CUL4A: variants seen among roughly 807,000 people sequenced by gnomAD.
CUL4A encodes cullin 4A.
A neutral mutation model predicts 95.5 loss-of-function variants in CUL4A; 16 were observed. That is an observed-to-expected ratio of 0.17 (90% confidence interval 0.11 to 0.25). The LOEUF (loss-of-function observed/expected upper bound fraction) is 0.25. Among genes scored for constraint, CUL4A ranks in the 10% least tolerant of loss-of-function variants. CUL4A has a pLI of 1.00. For synonymous variants in CUL4A, 380 were observed against 353.1 expected, an observed-to-expected ratio of 1.08 and a Z score of -0.85; for missense variants, 610 against 937.0, an observed-to-expected ratio of 0.65 and a Z score of 4.56.
intron 2 of CUL4A, among the ~76,000 whole-genome samples, chr13:113,217,842 C>T (rs1349922270): frequency 6.6e-6 from 1 of 152,002 alleles, no homozygotes; most frequent in Non-Finnish European, 1.5e-5. Context: ...AGTTTTTGTA[C>T]CTAAGATTGG....
chr13:113,236,408 T>A (rs879917092), intron 8 of CUL4A, among the ~76,000 whole-genome samples: 1 of 152,134 alleles, frequency 6.6e-6, no homozygotes, highest in African/African-American at 2.4e-5. Context: ...GGTGTGCAGG[T>A]CACACACAGC....
chr13:113,215,707 G>A (rs1456785249), intron 2 of CUL4A, among the ~76,000 whole-genome samples: 1 of 150,654 alleles, frequency 6.6e-6, no homozygotes, highest in Non-Finnish European at 1.5e-5. Flanking sequence ...TGTGGCTGTG[G>A]AGGTCGCTGT....
Position 113,229,427 on chromosome 13 carries a change from TCTC to T in CUL4A, c.439-16_439-14del, listed in dbSNP as rs761565019. 1.2e-6 allele frequency: 2 copies of T among 1,610,868 alleles called. No individual in the cohort carries two copies. The highest frequency in any genetic ancestry group is 3.3e-5 in the Admixed American group (2 of 59,968). Reference sequence around the variant, plus strand: ...CTAGTAGAATTCATAAGTAAATGGTTCTCCTTTCTGCTGGTCAGATCATGATCA... The same window carrying T: ...CTAGTAGAATTCATAAGTAAATGGTTCTTTCTGCTGGTCAGATCATGATCA... On this transcript the variant is annotated splice_polypyrimidine_tract_variant and intron_variant, in intron 4 of 19. Transcript: ENST00000375440.
chr13:113,221,362 T>C (rs1421066813), intron 3 of CUL4A, among the ~76,000 whole-genome samples: 2 of 152,190 alleles, frequency 1.3e-5, no homozygotes, highest in African/African-American at 4.8e-5. Flanking sequence ...AGTTTACATA[T>C]AGACCAGCAC....
intron 4 of CUL4A, among the ~76,000 whole-genome samples, chr13:113,228,262 G>A (rs1309325075): frequency 3.9e-5 from 6 of 152,174 alleles, no homozygotes; most frequent in African/African-American, 9.7e-5. Flanking sequence ...GTCACAGTCC[G>A]CAGTGGTGAC....
chr13:113,241,151 T>G (rs1243468216), intron 10 of CUL4A, among the ~76,000 whole-genome samples: 1 of 152,138 alleles, frequency 6.6e-6, no homozygotes, highest in Non-Finnish European at 1.5e-5. Context: ...TCACACTAAA[T>G]TGGCCATAAA....
intron 2 of CUL4A, among the ~76,000 whole-genome samples, chr13:113,210,357 G>A (rs1212650466): frequency 6.6e-6 from 1 of 152,202 alleles, no homozygotes; most frequent in Non-Finnish European, 1.5e-5. Flanking sequence ...TAGGAGCCAC[G>A]TGACTCATAT....
At chr13:113,218,603 T>G (rs189576685) in intron 2 of CUL4A, among the ~76,000 whole-genome samples, 1 of 152,296 alleles carries the variant, frequency 6.6e-6, no homozygotes, top group Non-Finnish European at 1.5e-5. Flanking sequence ...AACAGGCCTG[T>G]GAGGATCAAA....
At position 113,266,503 on chromosome 13, in the gene CUL4A, C is replaced by G. The variant is rs985856718; in HGVS notation, c.*2921C>G. On this transcript the variant is annotated 3_prime_UTR_variant, in exon 20 of 20. Transcript: ENST00000375440. ...AGATGTAAAACCTTCCTTTAAAACA[C>G]AAGCGGATTCTAAAGTTAAAACAGA... The G allele has an allele frequency of 6.6e-6, 1 of 152,210 alleles. No homozygotes were observed. Among genetic ancestry groups the G allele is most frequent in the East Asian group, 1.9e-4 (1 of 5,206 alleles). The allele number at this position is 152,210 out of a possible 1,614,324, so 9.4% of individuals were successfully genotyped here.
chr13:113,261,113 TACTC>T (rs1464847204), intron 19 of CUL4A, among the ~76,000 whole-genome samples: 1 of 152,152 alleles, frequency 6.6e-6, no homozygotes, highest in Admixed American at 6.5e-5. Context: ...ATAACTAACT[TACTC>T]AGCGTTTACA....
Position 113,254,717 on chromosome 13 carries a change from C to T in CUL4A, c.1777C>T (p.Leu593Phe). The T allele has an allele frequency of 6.2e-7, 1 of 1,611,908 alleles. No individual in the cohort carries two copies. Among genetic ancestry groups the T allele is most frequent in the Non-Finnish European group, 8.5e-7 (1 of 1,179,262 alleles). Reference sequence around the variant, plus strand: ...GGGGAAGAAGGAATTCCAGGTGTCCCTCTTCCAGACACTGGTGCTCCTCAT... The same window carrying T: ...GGGGAAGAAGGAATTCCAGGTGTCCTTCTTCCAGACACTGGTGCTCCTCAT... The part of the protein sequence containing the change: ...KEGKKEFQVS[L>F]FQTLVLLMFN... Residue 593 changes from leucine to phenylalanine, a missense_variant, in exon 17 of 20, where the codon CTC becomes TTC. Physicochemically the swap from Leu to Phe is conservative, Grantham distance 22 (BLOSUM62 0). Coordinates refer to ENST00000375440, the MANE Select transcript of CUL4A (RefSeq NM_001008895.4).
chr13:113,209,123 A>T (rs1265463067), upstream of CUL4A, among the ~76,000 whole-genome samples: 4 of 149,646 alleles, frequency 2.7e-5, no homozygotes, highest in African/African-American at 9.9e-5. Context: ...TGCAGGAGTT[A>T]GGGCACGTCC....
chr13:113,216,468 A>G (rs1167614013), intron 2 of CUL4A, among the ~76,000 whole-genome samples: 1 of 152,254 alleles, frequency 6.6e-6, no homozygotes, highest in Non-Finnish European at 1.5e-5. Flanking sequence ...CTGTAGATAT[A>G]CACCAAATTT....
intron 2 of CUL4A, among the ~76,000 whole-genome samples, chr13:113,214,613 G>GA (rs2040576700): frequency 6.6e-6 from 1 of 152,078 alleles, no homozygotes; most frequent in Admixed American, 6.6e-5. Context: ...TTGGCCTCCC[G>GA]AAGTGCTGGG....
chr13:113,252,202 A>G (rs538915085), intron 15 of CUL4A, among the ~76,000 whole-genome samples: 1 of 152,238 alleles, frequency 6.6e-6, no homozygotes, highest in Non-Finnish European at 1.5e-5. Context: ...GGAACTTGAA[A>G]ATGCAGCAAC....
At chr13:113,224,603 C>A (rs902547913) in intron 3 of CUL4A, among the ~76,000 whole-genome samples, 2 of 152,254 alleles carry the variant, frequency 1.3e-5, no homozygotes, top group Admixed American at 1.3e-4. Context: ...CCTTTATGAT[C>A]CGCACTGGCG....
At chr13:113,246,633 AATG>A (rs2041865484) in intron 15 of CUL4A, among the ~76,000 whole-genome samples, 1 of 152,234 alleles carries the variant, frequency 6.6e-6, no homozygotes, top group Non-Finnish European at 1.5e-5. Flanking sequence ...AGTAAAGATG[AATG>A]ATGATTTCGT....
At chr13:113,245,523 C>T (rs1483422477) in intron 14 of CUL4A, among the ~76,000 whole-genome samples, 1 of 152,180 alleles carries the variant, frequency 6.6e-6, no homozygotes, top group Non-Finnish European at 1.5e-5. Context: ...GCGCTCCAGC[C>T]TGGGCAACAG....
At chr13:113,250,914 A>G (rs1039774612) in intron 15 of CUL4A, among the ~76,000 whole-genome samples, 2 of 152,136 alleles carry the variant, frequency 1.3e-5, no homozygotes, top group Admixed American at 6.5e-5. Context: ...GGTTTCATAG[A>G]AAGGTGACTC....
Sources: allele counts gnomAD v4.1 joint callset (sites outside exome capture counted in the v4.1 genomes callset), GRCh38; gene constraint gnomAD v4.1.1; transcripts MANE v1.5; gene names NCBI Gene and HGNC (gene_info 2026-07-23, HGNC 2026-07-21).